Variants in RPH3AL observed in about 807,000 individuals in gnomAD.
RPH3AL encodes rab effector Noc2.
In RPH3AL, 38 loss-of-function variants were observed where a neutral mutation model predicts 43.1. The observed-to-expected ratio is 0.88, with a 90% CI of 0.68 to 1.15. The LOEUF (loss-of-function observed/expected upper bound fraction) is 1.15. RPH3AL is among the 50% of genes most tolerant of loss of function. The pLI, the probability that RPH3AL is intolerant of heterozygous loss-of-function variation, is 0.00. For synonymous variants in RPH3AL, 189 were observed against 176.3 expected, an observed-to-expected ratio of 1.07 and a Z score of -0.57; for missense variants, 462 against 423.2, an observed-to-expected ratio of 1.09 and a Z score of -0.81.
rs2040771142 is a variant in RPH3AL at position 215,371 on chromosome 17, GC to G, written c.876+282del. On this transcript the variant is annotated intron_variant, in intron 9 of 9. Coordinates refer to ENST00000331302, the MANE Select transcript of RPH3AL (RefSeq NM_006987.4). This position sits in a 1 kb window ranked among gnomAD's most constrained non-coding sequence, Gnocchi z 4.1. ...CACTCTGCCAAGAGAATGAAAGTTC[GC>G]CCCAGGGGAGCCCGACACGTTTTAT... is the stretch of plus-strand genomic sequence containing the variant. Among the ~76,000 whole-genome samples the G allele has an allele frequency of 1.3e-5, 2 of 152,116 alleles. No individual in the cohort carries two copies. The highest frequency in any genetic ancestry group is 2.9e-5 in the Non-Finnish European group (2 of 68,024).
chr17:343,643 G>T (rs899171200), intron 1 of RPH3AL, among the ~76,000 whole-genome samples: 1 of 152,264 alleles, frequency 6.6e-6, no homozygotes, highest in South Asian at 2.1e-4. Context: ...AAATTCAACC[G>T]GTGGTTCTGA....
chr17:290,118 G>A lies in RPH3AL; in HGVS notation c.352-8264C>T, dbSNP rs867229998. 1.3e-5 allele frequency among the ~76,000 whole-genome samples: 2 copies of A among 152,238 alleles called. No homozygotes were observed. The highest frequency in any genetic ancestry group is 2.4e-5 in the African/African-American group (1 of 41,464). On this transcript the variant is annotated intron_variant, in intron 5 of 9. Transcript: ENST00000331302. The surrounding 1 kb of genome is among the most constrained non-coding windows in gnomAD (Gnocchi z 4.2). ...TATTACAGTTGAAAAAGCAAGACAG[G>A]CTCCCTCCCGGAACATGCCGACCTG...
intron 6 of RPH3AL, among the ~76,000 whole-genome samples, chr17:266,469 T>A (rs1015361636): frequency 6.6e-6 from 1 of 152,198 alleles, no homozygotes; most frequent in African/African-American, 2.4e-5. Flanking sequence ...CTGTACCCAG[T>A]TGGAGGGCCC....
intron 7 of RPH3AL, among the ~76,000 whole-genome samples, chr17:221,381 G>T (rs1272425432): frequency 7.0e-6 from 1 of 142,910 alleles, no homozygotes; most frequent in Non-Finnish European, 1.5e-5. Context: ...CACTCACTGA[G>T]ACAACAGACC....
At chr17:349,494 T>C (rs1191655389) in intron 1 of RPH3AL, 1 of 152,162 alleles carries the variant, frequency 6.6e-6, no homozygotes. Flanking sequence ...TAAGGTTAAA[T>C]GCACGTTCTA....
Position 226,034 on chromosome 17 carries a change from G to A in RPH3AL, c.614-6298C>T, listed in dbSNP as rs567949746. 6.6e-5 allele frequency among the ~76,000 whole-genome samples: 10 copies of A among 152,352 alleles called. No individual in the cohort carries two copies. In the South Asian group the frequency reaches 1.5e-3, roughly 22 times the overall value. ...TGCCGTGCCATGTCGTGAGGACGGC[G>A]TTTGTTATGAGTCGTGCATTTTATC... On this transcript the variant is annotated intron_variant, in intron 7 of 9. Transcript: ENST00000331302.
chr17:284,802 G>C (rs2042866335), intron 5 of RPH3AL, among the ~76,000 whole-genome samples: 1 of 152,212 alleles, frequency 6.6e-6, no homozygotes, highest in Non-Finnish European at 1.5e-5. Flanking sequence ...AACAACAGAA[G>C]CATGTTTATC....
chr17:215,523 C>G lies in RPH3AL; in HGVS notation c.876+131G>C. The G allele has an allele frequency of 8.0e-6, 7 of 872,072 alleles. No homozygotes were observed. The highest frequency in any genetic ancestry group is 1.1e-5 in the Non-Finnish European group (7 of 658,236). 54.0% of individuals were successfully genotyped at this position (872,072 alleles called of 1,614,324 possible). A position where few individuals can be genotyped will look rare whatever the true frequency, so the allele number is the denominator to read the frequency against. The stretch of plus-strand genomic sequence containing the variant: ...TGGGGTCTGGCTCACCTTGTTCCCC[C>G]GCACAGTGCTTGGTAAACAACATGC... On this transcript the variant is annotated intron_variant, in intron 9 of 9. Transcript: ENST00000331302. This position sits in a 1 kb window ranked among gnomAD's most constrained non-coding sequence, Gnocchi z 4.1.
chr17:309,046 C>A (rs1016046990), intron 5 of RPH3AL, among the ~76,000 whole-genome samples: 7 of 152,172 alleles, frequency 4.6e-5, no homozygotes, highest in East Asian at 1.9e-4. Context: ...GCCTGTAATC[C>A]CAGCACTTTG....
intron 5 of RPH3AL, among the ~76,000 whole-genome samples, chr17:302,224 C>T (rs368535707): frequency 3.9e-5 from 6 of 152,356 alleles, no homozygotes; most frequent in South Asian, 2.1e-4. Context: ...CAGGCAGGCC[C>T]GAGAGAGTCT....
rs769425581 is a variant in RPH3AL at position 321,380 on chromosome 17, G to A, written c.113C>T (p.Thr38Met). Residue 38 changes from threonine to methionine, a missense_variant, in exon 4 of 10, where the codon ACG (threonine) becomes ATG (methionine). Physicochemically the swap from Thr to Met is moderately conservative, Grantham distance 81 (BLOSUM62 -1). Coordinates refer to ENST00000331302, the MANE Select transcript of RPH3AL (RefSeq NM_006987.4). ...QTGWSVHTYQ[T>M]EKQRRKQHLS... ...GTGCTGCTTCCTCCTCTGCTTCTCCGTCTGGTAGGTGTGCACGGACCAGCC... is the reference window on the plus strand; with the variant it reads ...GTGCTGCTTCCTCCTCTGCTTCTCCATCTGGTAGGTGTGCACGGACCAGCC... 7.4e-6 allele frequency: 12 copies of A among 1,610,868 alleles called. 1 individual carries two copies. Among genetic ancestry groups the A allele is most frequent in the South Asian group, 4.4e-5 (4 of 91,082 alleles).
At chr17:299,893 G>T (rs954409562) in intron 5 of RPH3AL, among the ~76,000 whole-genome samples, 37 of 152,262 alleles carry the variant, frequency 2.4e-4, no homozygotes, top group Non-Finnish European at 8.8e-5. Context: ...AGCCTAGGGG[G>T]CAGGTGTCCC....
At chr17:276,847 G>A (rs1421275897) in intron 6 of RPH3AL, among the ~76,000 whole-genome samples, 1 of 152,122 alleles carries the variant, frequency 6.6e-6, no homozygotes, top group Admixed American at 6.5e-5. Context: ...GGACAACAGG[G>A]GTAGAATCCA....
chr17:247,436 G>T, intron 6 of RPH3AL, 151 bp from the exon 7 acceptor site: 1 of 731,978 alleles, frequency 1.4e-6, no homozygotes, highest in Non-Finnish European at 2.2e-6. Flanking sequence ...TGATGGGCTG[G>T]GCTGTCAGTT....
intron 6 of RPH3AL, among the ~76,000 whole-genome samples, chr17:269,962 G>C (rs991155196): frequency 1.3e-5 from 2 of 152,156 alleles, no homozygotes; most frequent in Non-Finnish European, 2.9e-5. Flanking sequence ...GACTGCCCTG[G>C]GGGCTGGTGA....
chr17:281,633 G>C, intron 6 of RPH3AL, 135 bp downstream of exon 6: 1 of 680,472 alleles, frequency 1.5e-6, no homozygotes, highest in South Asian at 1.8e-5. Context: ...CCCAGTGACT[G>C]TCCACCCATC....
At chr17:257,226 T>C (rs374393262) in intron 6 of RPH3AL, among the ~76,000 whole-genome samples, 156 of 14,456 alleles carry the variant, frequency 0.011, 1 homozygote, top group African/African-American at 0.031. Flanking sequence ...TCCCTAGGAA[T>C]GTGACTACCC....
chr17:297,344 A>T (rs2043208413), intron 5 of RPH3AL, among the ~76,000 whole-genome samples: 1 of 152,218 alleles, frequency 6.6e-6, no homozygotes, highest in African/African-American at 2.4e-5. Context: ...GAGCCACTCT[A>T]GCAAATTATC....
intron 5 of RPH3AL, among the ~76,000 whole-genome samples, chr17:302,966 G>A (rs1184213647): frequency 6.6e-6 from 1 of 152,220 alleles, no homozygotes; most frequent in Non-Finnish European, 1.5e-5. Context: ...CACCTCTGGT[G>A]TTTGACTTAT....
Sources: gnomAD v4.1 joint callset for allele counts (sites outside exome capture counted in the v4.1 genomes callset) on GRCh38, gnomAD v4.1.1 for gene constraint, Gnocchi (gnomAD v3.1) non-coding constraint, MANE v1.5 for transcripts, NCBI Gene and HGNC (gene_info 2026-07-23, HGNC 2026-07-21) for gene names.